Variants in DPP6 observed in about 807,000 individuals in gnomAD.
DPP6 encodes the protein dipeptidyl peptidase like 6, also known as A-type potassium channel modulatory protein DPP6.
DPP6 carries 69 observed loss-of-function variants against 122.6 expected under a neutral mutation model. The observed-to-expected ratio is 0.56, with a 90% CI of 0.46 to 0.69. The LOEUF is 0.69. Ranked by LOEUF, DPP6 falls within the 30% of genes least tolerant of loss-of-function variation. The probability of loss-of-function intolerance (pLI) is 0.00; values close to 1 mark genes in which losing one functional copy is unlikely to be tolerated. For missense variants in DPP6, 928 were observed against 1,116.9 expected (o/e 0.83, Z 2.41); for synonymous variants, 418 against 433.1 (o/e 0.97, Z 0.43).
chr7:154,228,505 C>T (rs534058440), intron 1 of DPP6, among the ~76,000 whole-genome samples: 1 of 152,192 alleles, frequency 6.6e-6, no homozygotes, highest in East Asian at 1.9e-4. Flanking sequence ...CGCTTGGGTT[C>T]AAATGGTGCC....
intron 16 of DPP6, among the ~76,000 whole-genome samples, chr7:154,836,008 G>A (rs1304605067): frequency 6.6e-6 from 1 of 152,214 alleles, no homozygotes; most frequent in Non-Finnish European, 1.5e-5. Flanking sequence ...AGTGGGCCCT[G>A]TAATGAGCAC....
At chr7:154,665,569 C>A (rs920631591) in intron 6 of DPP6, among the ~76,000 whole-genome samples, 2 of 152,088 alleles carry the variant, frequency 1.3e-5, no homozygotes, top group African/African-American at 2.4e-5. Context: ...AGCCCAGATA[C>A]AATTGCTCCT....
chr7:154,020,662 A>G (rs1006504446), intron 1 of DPP6, among the ~76,000 whole-genome samples: 1 of 152,220 alleles, frequency 6.6e-6, no homozygotes, highest in African/African-American at 2.4e-5. Context: ...GTGAATTTAA[A>G]TAGCCTCTGA....
At chr7:153,961,001 C>A (rs2628853) in intron 1 of DPP6, among the ~76,000 whole-genome samples, 4 of 152,048 alleles carry the variant, frequency 2.6e-5, no homozygotes, top group African/African-American at 7.2e-5. Context: ...GTTAATGAGG[C>A]AGCTGGAAAG....
intron 1 of DPP6, among the ~76,000 whole-genome samples, chr7:154,367,744 A>AC (rs1563554601): frequency 6.6e-6 from 1 of 152,142 alleles, no homozygotes; most frequent in Admixed American, 6.5e-5. Flanking sequence ...GTGTAAATAT[A>AC]ATTTCCTGAA....
At chr7:154,368,071 G>T (rs1173112709) in intron 1 of DPP6, among the ~76,000 whole-genome samples, 3 of 152,142 alleles carry the variant, frequency 2.0e-5, no homozygotes, top group African/African-American at 7.2e-5. Flanking sequence ...TTCCCAAAGT[G>T]CTGGGAAGGC....
intron 1 of DPP6, chr7:154,305,334 C>T: frequency 9.5e-7 from 1 of 1,057,200 alleles, no homozygotes; most frequent in Non-Finnish European, 1.2e-6. Flanking sequence ...CTCGTCTTGT[C>T]TACCCACCCT....
At chr7:154,214,992 T>C (rs1288642509) in intron 1 of DPP6, among the ~76,000 whole-genome samples, 1 of 152,160 alleles carries the variant, frequency 6.6e-6, no homozygotes, top group Non-Finnish European at 1.5e-5. Flanking sequence ...AGCAGCCTAA[T>C]AAATGTTAGC....
intron 1 of DPP6, among the ~76,000 whole-genome samples, chr7:154,055,086 C>G (rs999377014): frequency 1.7e-5 from 2 of 115,884 alleles, no homozygotes; most frequent in Admixed American, 1.0e-4. Flanking sequence ...TAAGTCCTGA[C>G]ATGCTTTTTT....
intron 21 of DPP6, 29 bp from the exon 22 acceptor site, chr7:154,885,603 CT>C: frequency 6.4e-7 from 1 of 1,552,950 alleles, no homozygotes; most frequent in Non-Finnish European, 8.7e-7. Flanking sequence ...GCCAGGACTC[CT>C]AACTGTCTTC....
chr7:154,186,699 A>G (rs1798370604), intron 1 of DPP6, among the ~76,000 whole-genome samples: 1 of 152,262 alleles, frequency 6.6e-6, no homozygotes, highest in South Asian at 2.1e-4. Flanking sequence ...GATGAAGCAA[A>G]TACTCAATAC....
At chr7:154,583,330 G>A (rs1193245849) in intron 5 of DPP6, among the ~76,000 whole-genome samples, 1 of 152,180 alleles carries the variant, frequency 6.6e-6, no homozygotes, top group Non-Finnish European at 1.5e-5. Context: ...CGGTCTATGT[G>A]CCAATCTCCT....
intron 1 of DPP6, among the ~76,000 whole-genome samples, chr7:154,150,314 C>T (rs372660244): frequency 1.2e-3 from 184 of 152,278 alleles, no homozygotes; most frequent in East Asian, 3.9e-3. Flanking sequence ...CCTTGACTTA[C>T]AGAGGAAGCC....
the DPP6 span, among the ~76,000 whole-genome samples, chr7:153,825,910 G>A: frequency 1.3e-5 from 2 of 152,092 alleles, no homozygotes; most frequent in Admixed American, 1.3e-4. Context: ...CAGGTTCATA[G>A]GAGGCACCCA....
chr7:154,617,534 ACT>A (rs1263364448), intron 5 of DPP6, among the ~76,000 whole-genome samples: 1 of 151,966 alleles, frequency 6.6e-6, no homozygotes, highest in Non-Finnish European at 1.5e-5. Context: ...CAGCCACCAG[ACT>A]CTATTTTCTC....
At chr7:154,576,068 G>T (rs1020337270) in intron 5 of DPP6, among the ~76,000 whole-genome samples, 4 of 151,990 alleles carry the variant, frequency 2.6e-5, no homozygotes, top group African/African-American at 4.8e-5. Context: ...TGTCATAAGT[G>T]GCAGTTTGTG....
At chr7:154,332,158 G>A (rs375224353) in intron 1 of DPP6, among the ~76,000 whole-genome samples, 39 of 150,720 alleles carry the variant, frequency 2.6e-4, no homozygotes, top group African/African-American at 9.3e-4. Flanking sequence ...TGCAACCTCC[G>A]TCTCCTGGGT....
chr7:154,130,766 A>G (rs1484043150), intron 1 of DPP6, among the ~76,000 whole-genome samples: 1 of 152,026 alleles, frequency 6.6e-6, no homozygotes, highest in Non-Finnish European at 1.5e-5. Flanking sequence ...TCCTGTCCCA[A>G]GAGCCTGCAG....
the DPP6 span, among the ~76,000 whole-genome samples, chr7:153,773,264 C>CGTGTGTGTGCGTGTGT: frequency 7.5e-6 from 1 of 132,458 alleles, no homozygotes; most frequent in Admixed American, 7.8e-5. Flanking sequence ...TCTTTTCTTT[C>CGTGTGTGTGCGTGTGT]GTGTGTGTGT....
Sources: allele counts gnomAD v4.1 joint callset (sites outside exome capture counted in the v4.1 genomes callset), GRCh38; gene constraint gnomAD v4.1.1; transcripts MANE v1.5; gene names NCBI Gene and HGNC (gene_info 2026-07-23, HGNC 2026-07-21).